Variants in PRORP observed in about 807,000 individuals in gnomAD.
PRORP encodes the protein mitochondrial ribonuclease P catalytic subunit.
PRORP carries 51 observed loss-of-function variants against 59.4 expected under a neutral mutation model. That is an observed-to-expected ratio of 0.86 (90% CI 0.69 to 1.08). The LOEUF is 1.08. Ranked by LOEUF, PRORP falls within the 50% of genes least tolerant of loss-of-function variation. The pLI is 0.00. For missense variants in PRORP, 646 were observed against 690.3 expected (o/e 0.94, Z 0.72); for synonymous variants, 231 against 245.6 (o/e 0.94, Z 0.55).
At chr14:35,241,420 G>C (rs961243690) in intron 5 of PRORP, among the ~76,000 whole-genome samples, 2 of 152,012 alleles carry the variant, frequency 1.3e-5, no homozygotes, top group African/African-American at 4.8e-5. Context: ...TTATATCAGG[G>C]ACCTGAGCAT....
chr14:35,249,516 G>A (rs1324998941), intron 5 of PRORP, among the ~76,000 whole-genome samples: 2 of 152,174 alleles, frequency 1.3e-5, no homozygotes, highest in Non-Finnish European at 2.9e-5. Context: ...TTGAGCCTGG[G>A]AGAGTGAGAC....
intron 5 of PRORP, among the ~76,000 whole-genome samples, chr14:35,224,651 A>G (rs138418016): frequency 0.01 from 1,536 of 152,352 alleles, 28 homozygotes; most frequent in African/African-American, 0.035. Flanking sequence ...TACAACTCAT[A>G]CTAGAAAATA....
intron 5 of PRORP, among the ~76,000 whole-genome samples, chr14:35,257,108 C>G (rs150572499): frequency 2.5e-3 from 384 of 152,166 alleles, no homozygotes; most frequent in Non-Finnish European, 3.7e-3. Flanking sequence ...CTCCTGACCT[C>G]AAGTGATTTG....
intron 5 of PRORP, among the ~76,000 whole-genome samples, chr14:35,228,916 C>T (rs1439732532): frequency 1.3e-5 from 2 of 152,196 alleles, no homozygotes; most frequent in African/African-American, 4.8e-5. Flanking sequence ...TTCCCACCAA[C>T]AGTGTATGAG....
chr14:35,150,993 C>T (rs2047731632), intron 4 of PRORP, among the ~76,000 whole-genome samples: 2 of 152,246 alleles, frequency 1.3e-5, no homozygotes, highest in Admixed American at 1.3e-4. Context: ...CTCTCAGATT[C>T]AGGTTGGCAT....
chr14:35,179,339 A>T (rs948961887), intron 4 of PRORP, among the ~76,000 whole-genome samples: 1 of 152,196 alleles, frequency 6.6e-6, no homozygotes, highest in Non-Finnish European at 1.5e-5. Flanking sequence ...GTGTTTTCCA[A>T]CTTGGTTCCA....
intron 2 of PRORP, among the ~76,000 whole-genome samples, chr14:35,126,231 G>A (rs150186250): frequency 6.6e-6 from 1 of 151,878 alleles, no homozygotes; most frequent in East Asian, 1.9e-4. Flanking sequence ...AGGGGAAGGA[G>A]GAAAGGATAC....
In PRORP at chr14:35,124,063, A is replaced by G. The variant is rs2047023104; in HGVS notation, c.818A>G (p.His273Arg). ...AATTTATATCAGGAATTGCTAGGTC[A>G]TGATATTGTTCCTATGTTGGAAACT... ...AWNLYQELLG[H>R]DIVPMLETLK... The change falls in exon 2 of 8, where the codon CAT becomes CGT. Residue 273 changes from histidine to arginine, a missense_variant. Physicochemically the swap from His to Arg is conservative, Grantham distance 29. Coordinates refer to ENST00000534898, the MANE Select transcript of PRORP (RefSeq NM_014672.4). 1 of 1,613,796 alleles carries G rather than the reference A, an allele frequency of 6.2e-7. No individual in the cohort carries two copies. Among genetic ancestry groups the G allele is most frequent in the Admixed American group, 1.7e-5 (1 of 59,970 alleles).
chr14:35,225,167 G>A (rs1418113245), intron 5 of PRORP, among the ~76,000 whole-genome samples: 1 of 151,970 alleles, frequency 6.6e-6, no homozygotes, highest in African/African-American at 2.4e-5. Flanking sequence ...AGTTAATATA[G>A]TATGACTTAC....
chr14:35,148,858 T>C (rs1356179944), intron 4 of PRORP, among the ~76,000 whole-genome samples: 1 of 151,984 alleles, frequency 6.6e-6, no homozygotes, highest in Non-Finnish European at 1.5e-5. Context: ...TTTGTGTTGG[T>C]TCCACCAGTC....
intron 5 of PRORP, chr14:35,235,426 A>C: frequency 1.5e-6 from 1 of 677,394 alleles, no homozygotes; most frequent in Non-Finnish European, 2.7e-6. Flanking sequence ...TCCCCTTGAT[A>C]ATGCAGTAAG....
At chr14:35,260,088 T>A (rs1057250986) in intron 5 of PRORP, among the ~76,000 whole-genome samples, 1 of 141,756 alleles carries the variant, frequency 7.1e-6, no homozygotes, top group African/African-American at 2.6e-5. Context: ...CATAGCTCAC[T>A]GCAGCATTGA....
intron 5 of PRORP, among the ~76,000 whole-genome samples, chr14:35,198,114 G>C (rs2049052847): frequency 1.3e-5 from 2 of 152,188 alleles, no homozygotes; most frequent in Non-Finnish European, 2.9e-5. Flanking sequence ...TTGGAGAATG[G>C]GGAAATTTGA....
chr14:35,220,287 A>G (rs2049737858), intron 5 of PRORP, among the ~76,000 whole-genome samples: 1 of 152,206 alleles, frequency 6.6e-6, no homozygotes, highest in Non-Finnish European at 1.5e-5. Flanking sequence ...TTATGTCAAT[A>G]TATGCTGTTT....
At chr14:35,152,565 C>CA (rs2047789843) in intron 4 of PRORP, among the ~76,000 whole-genome samples, 1 of 151,560 alleles carries the variant, frequency 6.6e-6, no homozygotes, top group South Asian at 2.1e-4. Flanking sequence ...AGGCGCCCCC[C>CA]ACCTCCCTCC....
At chr14:35,202,881 A>G (rs1566494842) in intron 5 of PRORP, among the ~76,000 whole-genome samples, 1 of 152,038 alleles carries the variant, frequency 6.6e-6, no homozygotes, top group Non-Finnish European at 1.5e-5. Flanking sequence ...CAATCCCCTC[A>G]CCTTAGCCTC....
intron 4 of PRORP, among the ~76,000 whole-genome samples, chr14:35,137,191 T>TAG (rs2047394555): frequency 6.9e-6 from 1 of 145,534 alleles, no homozygotes; most frequent in African/African-American, 2.4e-5. Context: ...TAGTGGTGGC[T>TAG]AGAGGATGGT....
At chr14:35,220,823 G>A (rs187826036) in intron 5 of PRORP, among the ~76,000 whole-genome samples, 134 of 152,314 alleles carry the variant, frequency 8.8e-4, no homozygotes, top group African/African-American at 3.1e-3. Context: ...TTAGAATGAT[G>A]CAGGGATGAG....
intron 5 of PRORP, among the ~76,000 whole-genome samples, chr14:35,198,078 A>G (rs925283968): frequency 1.3e-5 from 2 of 152,336 alleles, no homozygotes; most frequent in East Asian, 1.9e-4. Flanking sequence ...GGCTAAGAGC[A>G]GTAGCAGAAG....
Sources: allele counts gnomAD v4.1 joint callset (sites outside exome capture counted in the v4.1 genomes callset), GRCh38; gene constraint gnomAD v4.1.1; transcripts MANE v1.5; gene names NCBI Gene and HGNC (gene_info 2026-07-23, HGNC 2026-07-21).